The following DPP10 variants were observed in gnomAD, a reference collection of about 807,000 sequenced individuals.
DPP10 encodes the protein dipeptidyl peptidase like 10, also known as inactive dipeptidyl peptidase 10.
A neutral mutation model predicts 120.9 loss-of-function variants in DPP10; 33 were observed. The ratio of observed to expected loss-of-function variants is 0.27; its 90% confidence interval spans 0.21 to 0.37. DPP10 has a LOEUF of 0.37. Ranked by LOEUF, DPP10 falls within the 10% of genes least tolerant of loss-of-function variation. DPP10 has a pLI of 1.00. For missense variants in DPP10, 816 were observed against 942.8 expected (o/e 0.87, Z 1.76); for synonymous variants, 337 against 326.1 (o/e 1.03, Z -0.36).
intron 1 of DPP10, among the ~76,000 whole-genome samples, chr2:114,469,885 A>G (rs1412472870): frequency 6.6e-6 from 1 of 152,214 alleles, no homozygotes; most frequent in African/African-American, 2.4e-5. Context: ...TGCCAAATGT[A>G]ACCTTCTTTA....
intron 1 of DPP10, among the ~76,000 whole-genome samples, chr2:114,990,726 A>G (rs574024391): frequency 2.6e-5 from 4 of 152,278 alleles, no homozygotes; most frequent in African/African-American, 9.6e-5. Context: ...TGGTGATAGC[A>G]CAGACACCCT....
At chr2:115,826,439 T>G (rs1177608976) in intron 21 of DPP10, among the ~76,000 whole-genome samples, 2 of 152,084 alleles carry the variant, frequency 1.3e-5, no homozygotes, top group Non-Finnish European at 2.9e-5. Flanking sequence ...GAAATGACCT[T>G]GGCCGGGCAT....
intron 1 of DPP10, among the ~76,000 whole-genome samples, chr2:114,933,902 A>C (rs528490039): frequency 2.0e-5 from 3 of 152,310 alleles, no homozygotes; most frequent in African/African-American, 7.2e-5. Context: ...ACATTGCTGA[A>C]CACACACTGA....
At chr2:114,829,353 G>A (rs923289728) in intron 1 of DPP10, among the ~76,000 whole-genome samples, 2 of 150,706 alleles carry the variant, frequency 1.3e-5, no homozygotes, top group Admixed American at 6.6e-5. Flanking sequence ...ATTTACAAAG[G>A]GACACATAAG....
chr2:115,825,643 A>G (rs1338408476), intron 21 of DPP10, among the ~76,000 whole-genome samples: 5 of 152,186 alleles, frequency 3.3e-5, no homozygotes, highest in South Asian at 2.1e-4. Flanking sequence ...CTTTACCTCA[A>G]TTTCACACAT....
chr2:115,053,444 T>C (rs150948117), intron 1 of DPP10, among the ~76,000 whole-genome samples: 46 of 152,296 alleles, frequency 3.0e-4, no homozygotes, highest in African/African-American at 1.0e-3. Flanking sequence ...TAAAGCAGAT[T>C]AGTGGTTGCA....
chr2:115,498,530 C>A (rs1427311590), intron 3 of DPP10, among the ~76,000 whole-genome samples: 2 of 151,708 alleles, frequency 1.3e-5, no homozygotes, highest in African/African-American at 4.8e-5. Flanking sequence ...AATCTAATCT[C>A]CATTAATATC....
chr2:114,753,638 G>A (rs1035512719), intron 1 of DPP10, among the ~76,000 whole-genome samples: 1 of 151,984 alleles, frequency 6.6e-6, no homozygotes, highest in East Asian at 1.9e-4. Flanking sequence ...GGCTGGGCGC[G>A]GTGGCTCACG....
intron 1 of DPP10, among the ~76,000 whole-genome samples, chr2:114,723,479 G>A (rs1356148934): frequency 6.6e-6 from 1 of 152,162 alleles, no homozygotes; most frequent in Admixed American, 6.5e-5. Context: ...CCAGTTCTTG[G>A]AATCTTTGGC....
intron 3 of DPP10, among the ~76,000 whole-genome samples, chr2:115,415,839 TTTTATATA>T (rs1474809699): frequency 2.3e-5 from 1 of 43,530 alleles, no homozygotes; most frequent in African/African-American, 6.6e-5. Context: ...CCTGATTTGC[TTTTATATA>T]TATATATATA....
At chr2:115,291,149 A>G (rs1574314780) in intron 1 of DPP10, among the ~76,000 whole-genome samples, 1 of 152,076 alleles carries the variant, frequency 6.6e-6, no homozygotes, top group Middle Eastern at 3.4e-3. Flanking sequence ...GATTACAGGT[A>G]TGTGCCGCCA....
intron 1 of DPP10, among the ~76,000 whole-genome samples, chr2:115,033,475 A>T (rs994614654): frequency 6.6e-6 from 1 of 151,944 alleles, no homozygotes; most frequent in Non-Finnish European, 1.5e-5. Flanking sequence ...CATCGTTCTT[A>T]CCCTCCAGCT....
chr2:114,821,800 G>T (rs1185870518), intron 1 of DPP10, among the ~76,000 whole-genome samples: 2 of 152,188 alleles, frequency 1.3e-5, no homozygotes, highest in East Asian at 1.9e-4. Flanking sequence ...TTCCAAAGAT[G>T]ATGTCTTTTG....
chr2:115,619,653 C>T (rs2084799902), intron 5 of DPP10, among the ~76,000 whole-genome samples: 1 of 152,214 alleles, frequency 6.6e-6, no homozygotes, highest in Non-Finnish European at 1.5e-5. Context: ...AGTCAAGTGT[C>T]ACATACACTG....
chr2:114,455,436 A>G (rs1479946070), intron 1 of DPP10, among the ~76,000 whole-genome samples: 1 of 151,706 alleles, frequency 6.6e-6, no homozygotes. Flanking sequence ...TCCCAGCTAC[A>G]TGGGAGGCTG....
chr2:115,813,056 A>G lies in DPP10; in HGVS notation c.1701-1737A>G, dbSNP rs546264404. ...GACTGCAGTGGCGCAATCTCGGCTC[A>G]CTGCAAGCTCCGCTTCCCGGGTTCA... On this transcript the variant is annotated intron_variant, in intron 19 of 25. Coordinates refer to ENST00000410059, the MANE Select transcript of DPP10 (RefSeq NM_020868.6). 2.8e-3 allele frequency among the ~76,000 whole-genome samples: 356 copies of G among 128,316 alleles called. 18 individuals are homozygous for G. The highest frequency in any genetic ancestry group is 0.011 in the African/African-American group (343 of 30,442). 84.2% of individuals were successfully genotyped at this position (128,316 alleles called of 152,430 possible). A position where few individuals can be genotyped will look rare whatever the true frequency, so the allele number is the denominator to read the frequency against.
At chr2:115,607,876 C>T (rs1267319127) in intron 5 of DPP10, among the ~76,000 whole-genome samples, 2 of 152,058 alleles carry the variant, frequency 1.3e-5, no homozygotes, top group Non-Finnish European at 2.9e-5. Flanking sequence ...ATGTAGAAAC[C>T]AGAGAATGAT....
intron 1 of DPP10, among the ~76,000 whole-genome samples, chr2:115,165,658 A>G (rs1173581872): frequency 1.3e-5 from 2 of 152,178 alleles, no homozygotes; most frequent in Admixed American, 6.5e-5. Context: ...AAATGAGTAT[A>G]TATATATTTT....
chr2:115,135,312 ACCTT>A (rs2050598167), intron 1 of DPP10, among the ~76,000 whole-genome samples: 3 of 151,716 alleles, frequency 2.0e-5, no homozygotes, highest in Non-Finnish European at 4.4e-5. Context: ...TTGCTTTTTA[ACCTT>A]CCTTCCTTCC....
Sources: gnomAD v4.1 joint callset for allele counts (sites outside exome capture counted in the v4.1 genomes callset) on GRCh38, gnomAD v4.1.1 for gene constraint, MANE v1.5 for transcripts, NCBI Gene and HGNC (gene_info 2026-07-23, HGNC 2026-07-21) for gene names.